Variants in ZNF683 observed in about 807,000 individuals in gnomAD.
ZNF683 encodes the protein tissue-resident T-cell transcription regulator protein ZNF683.
Under a neutral mutation model 31.4 loss-of-function variants are expected in ZNF683, and 20 were observed. The ratio of observed to expected loss-of-function variants is 0.64; its 90% confidence interval spans 0.45 to 0.93. The LOEUF is 0.93. Ranked by LOEUF, ZNF683 falls within the 40% of genes least tolerant of loss-of-function variation. ZNF683 has a pLI of 0.00. For synonymous variants in ZNF683, 264 were observed against 267.6 expected, an observed-to-expected ratio of 0.99 and a Z score of 0.13; for missense variants, 621 against 637.2, an observed-to-expected ratio of 0.97 and a Z score of 0.27.
At chr1:26,369,694 G>C (rs2074621850) in intron 1 of ZNF683, among the ~76,000 whole-genome samples, 2 of 131,430 alleles carry the variant, frequency 1.5e-5, no homozygotes, top group Non-Finnish European at 3.2e-5. Flanking sequence ...GCTGAGTGTG[G>C]TGGCTCACAC....
At chr1:26,365,610 A>T (rs2074503099) in intron 3 of ZNF683, among the ~76,000 whole-genome samples, 1 of 152,272 alleles carries the variant, frequency 6.6e-6, no homozygotes, top group South Asian at 2.1e-4. Context: ...TGAAGTTCTC[A>T]GTTGCACCAG....
In ZNF683 at chr1:26,367,646, G is replaced by T. The variant is rs138430882; in HGVS notation, c.266C>A (p.Pro89Gln). The T allele has an allele frequency of 6.2e-7, 1 of 1,612,326 alleles. No homozygotes were observed. Among genetic ancestry groups the T allele is most frequent in the African/African-American group, 1.3e-5 (1 of 74,984 alleles). Residue 89 changes from proline (P) to glutamine (Q), a missense_variant, in exon 3 of 6, where the codon CCG (proline) becomes CAG (glutamine). Coordinates refer to ENST00000349618, the MANE Select transcript of ZNF683 (RefSeq NM_001114759.3). Reference sequence around the variant, plus strand: ...CTGCAGGTCTGTGCCCAGGGGTGCCGGCTGTGGGGTGCACAGGTTCAGGTC... The same window carrying T: ...CTGCAGGTCTGTGCCCAGGGGTGCCTGCTGTGGGGTGCACAGGTTCAGGTC... The part of the protein sequence containing the change: ...DLDLNLCTPQ[P>Q]APLGTDLQGL...
rs538678939 is a variant in ZNF683 at position 26,364,430 on chromosome 1, G to T, written c.1014+102C>A. 1.7e-4 allele frequency: 232 copies of T among 1,360,828 alleles called. 6 individuals carry two copies. In the South Asian group the frequency reaches 2.7e-3, roughly 16 times the overall value. The allele number at this position is 1,360,828 out of a possible 1,614,324, so 84.3% of individuals were successfully genotyped here. A position where few individuals can be genotyped will look rare whatever the true frequency, so the allele number is the denominator to read the frequency against. On this transcript the variant is annotated intron_variant, in intron 4 of 5. Coordinates refer to ENST00000349618, the MANE Select transcript of ZNF683 (RefSeq NM_001114759.3). ...ACTTGGCCCTAGAGGTTGCCCAGGA[G>T]TGCCTTCTAGCTTTGAGGTCCTTGC...
At chr1:26,363,290 A>C (rs2124122037) in intron 4 of ZNF683, 136 bp from the exon 5 acceptor site, 5 of 1,186,864 alleles carry the variant, frequency 4.2e-6, no homozygotes, top group Non-Finnish European at 5.9e-6. Flanking sequence ...AGGATACTCT[A>C]CTCTTTCTGC....
At chr1:26,374,323 CT>C (rs1434836093), upstream of ZNF683, 5 of 1,303,990 alleles carry the variant, frequency 3.8e-6, no homozygotes, top group African/African-American at 7.6e-5. Context: ...GCATCACACT[CT>C]GCTCCCAGCT....
chr1:26,368,379 C>T (rs1326063451), intron 2 of ZNF683, 79 bp downstream of exon 2: 13 of 1,450,330 alleles, frequency 9.0e-6, no homozygotes, highest in Admixed American at 5.3e-5. Flanking sequence ...TCCCTTCAGA[C>T]GTTCCCCTTT....
At chr1:26,366,056 T>C (rs2074513315) in intron 3 of ZNF683, among the ~76,000 whole-genome samples, 1 of 152,110 alleles carries the variant, frequency 6.6e-6, no homozygotes, top group Admixed American at 6.5e-5. Context: ...GGCACATGCC[T>C]GTAATCCCAG....
chr1:26,372,522 G>A (rs1327989326), intron 1 of ZNF683, 147 bp downstream of exon 1: 4 of 1,304,862 alleles, frequency 3.1e-6, no homozygotes, highest in Non-Finnish European at 4.0e-6. Flanking sequence ...CCCAGAAGGG[G>A]TGACCCGCAC....
intron 3 of ZNF683, among the ~76,000 whole-genome samples, chr1:26,365,961 A>T (rs1024592525): frequency 6.6e-6 from 1 of 152,176 alleles, no homozygotes; most frequent in Non-Finnish European, 1.5e-5. Flanking sequence ...CGGGAAGATC[A>T]CCTGAGGTTG....
chr1:26,365,351 G>C (rs1278269792), intron 3 of ZNF683, 125 bp from the exon 4 acceptor site: 9 of 1,015,486 alleles, frequency 8.9e-6, no homozygotes, highest in Non-Finnish European at 1.3e-5. Flanking sequence ...CATTTCTGTA[G>C]TGCTGAACAA....
chr1:26,374,029 T>A (rs568008723), upstream of ZNF683, among the ~76,000 whole-genome samples: 26 of 144,940 alleles, frequency 1.8e-4, no homozygotes, highest in African/African-American at 6.3e-4. Context: ...CACCCCCTCA[T>A]TTCTTTCTTT....
At chr1:26,374,163 C>G, upstream of ZNF683, 2 of 1,093,988 alleles carry the variant, frequency 1.8e-6, no homozygotes, top group Non-Finnish European at 2.4e-6. Flanking sequence ...AAAGGAAGAG[C>G]CCTCTCAGAC....
chr1:26,370,639 C>A, intron 1 of ZNF683: 1 of 985,762 alleles, frequency 1.0e-6, no homozygotes, highest in Non-Finnish European at 1.2e-6. Flanking sequence ...ATACCATGGA[C>A]CCCCGAAGGG....
chr1:26,365,908 C>T (rs945758132), intron 3 of ZNF683, among the ~76,000 whole-genome samples: 5 of 151,854 alleles, frequency 3.3e-5, no homozygotes, highest in South Asian at 4.2e-4. Flanking sequence ...AGGCTGGGCA[C>T]GGTGGCTCAC....
chr1:26,370,505 C>T, intron 1 of ZNF683: 1 of 328,032 alleles, frequency 3.0e-6, no homozygotes, highest in Non-Finnish European at 4.4e-6. Flanking sequence ...TCAGGGACCA[C>T]TCTTTGAATC....
chr1:26,365,005 T>C lies in ZNF683; in HGVS notation c.541A>G (p.Ile181Val), dbSNP rs770768426. The part of the protein sequence containing the change: ...AFCPCPPVNS[I>V]SKELPFLLHA... ...AGGAGAAATGGGAGCTCCTTGGAGATGGAGTTGACAGGGGGACAGGGGCAG... is the reference window on the plus strand; with the variant it reads ...AGGAGAAATGGGAGCTCCTTGGAGACGGAGTTGACAGGGGGACAGGGGCAG... The change falls in exon 4 of 6, where the codon ATC (isoleucine) becomes GTC (valine). Residue 181 changes from isoleucine (I) to valine (V), a missense_variant. Coordinates refer to ENST00000349618, the MANE Select transcript of ZNF683 (RefSeq NM_001114759.3). The C allele has an allele frequency of 2.5e-6, 4 of 1,581,858 alleles. No homozygotes were observed. Among genetic ancestry groups the C allele is most frequent in the Non-Finnish European group, 3.4e-6 (4 of 1,166,820 alleles).
Position 26,361,715 on chromosome 1 carries a change from G to C in ZNF683, c.1451C>G (p.Ala484Gly), listed in dbSNP as rs1260476566. 6.2e-7 allele frequency: 1 copy of C among 1,614,060 alleles called. No homozygotes were observed. Among genetic ancestry groups the C allele is most frequent in the East Asian group, 2.2e-5 (1 of 44,890 alleles). ...GGCACTGCTCAGGCTCACTGCTCTTGCTTTCCCCTGGGATGTCGAGGACAC... is the reference window on the plus strand; with the variant it reads ...GGCACTGCTCAGGCTCACTGCTCTTCCTTTCCCCTGGGATGTCGAGGACAC... ...VKVSSTSQGK[A>G]RAVSLSSAGT... Residue 484 changes from alanine (A) to glycine (G), a missense_variant, in exon 6 of 6, where the codon GCA (alanine) becomes GGA (glycine). By Grantham distance (60) the Ala-to-Gly change is moderately conservative. Coordinates refer to ENST00000349618, the MANE Select transcript of ZNF683 (RefSeq NM_001114759.3).
intron 3 of ZNF683, among the ~76,000 whole-genome samples, chr1:26,366,120 C>T (rs899973785): frequency 2.0e-5 from 3 of 151,328 alleles, no homozygotes; most frequent in South Asian, 2.1e-4. Context: ...GCAGAGATTG[C>T]GGTGAGCCGA....
Position 26,363,078 on chromosome 1 carries a change from T to A in ZNF683, c.1091A>T (p.His364Leu). 1 of 1,612,528 alleles carries A rather than the reference T, an allele frequency of 6.2e-7. No individual in the cohort carries two copies. Among genetic ancestry groups the A allele is most frequent in the Non-Finnish European group, 8.5e-7 (1 of 1,179,358 alleles). The change falls in exon 5 of 6, where the codon CAC (histidine) becomes CTC (leucine). Residue 364 changes from histidine (H) to leucine (L), a missense_variant. Coordinates refer to ENST00000349618, the MANE Select transcript of ZNF683 (RefSeq NM_001114759.3). ...LCQKSFTQLAHLQKHHLVHTG... is the reference protein window; with the variant it reads ...LCQKSFTQLALLQKHHLVHTG... ...GTGCACCAGGTGGTGCTTCTGCAGGTGGGCAAGTTGAGTGAAGCTCTTCTG... is the reference window on the plus strand; with the variant it reads ...GTGCACCAGGTGGTGCTTCTGCAGGAGGGCAAGTTGAGTGAAGCTCTTCTG...
Sources: gnomAD v4.1 joint callset for allele counts (sites outside exome capture counted in the v4.1 genomes callset) on GRCh38, gnomAD v4.1.1 for gene constraint, MANE v1.5 for transcripts, NCBI Gene and HGNC (gene_info 2026-07-23, HGNC 2026-07-21) for gene names.